ATP8B4: variants seen among roughly 807,000 people sequenced by gnomAD.
The protein encoded by ATP8B4 is ATPase phospholipid transporting 8B4 (putative), also known as probable phospholipid-transporting ATPase IM.
A neutral mutation model predicts 145.6 loss-of-function variants in ATP8B4; 133 were observed. The observed-to-expected ratio is 0.91, with a 90% CI of 0.79 to 1.05. ATP8B4 has a LOEUF of 1.05. Ranked by LOEUF, ATP8B4 falls within the 50% of genes least tolerant of loss-of-function variation. The pLI is 0.00. For synonymous variants in ATP8B4, 507 were observed against 492.9 expected (o/e 1.03, Z -0.38); for missense variants, 1,458 against 1,425.2 (o/e 1.02, Z -0.37).
chr15:50,066,902 C>T (rs2053421122), intron 3 of ATP8B4, among the ~76,000 whole-genome samples: 1 of 152,024 alleles, frequency 6.6e-6, no homozygotes, highest in Non-Finnish European at 1.5e-5. Context: ...AAGATGTTTT[C>T]CCTTAGTTCT....
chr15:50,062,869 T>C (rs914347869), intron 3 of ATP8B4, among the ~76,000 whole-genome samples: 1 of 152,190 alleles, frequency 6.6e-6, no homozygotes, highest in African/African-American at 2.4e-5. Context: ...AGCTCATTTG[T>C]GCTTCTAACC....
intron 2 of ATP8B4, among the ~76,000 whole-genome samples, chr15:50,094,593 AATATACACATATATACGT>A (rs1303068455): frequency 6.8e-6 from 1 of 148,024 alleles, no homozygotes; most frequent in Non-Finnish European, 1.5e-5. Flanking sequence ...CATATATACA[AATATACACATATATACGT>A]ATATACACAT....
Position 49,934,197 on chromosome 15 carries a change from C to A in ATP8B4, c.1288-15G>T. On this transcript the variant is annotated splice_polypyrimidine_tract_variant and intron_variant, in intron 14 of 27. Coordinates refer to ENST00000284509, the MANE Select transcript of ATP8B4 (RefSeq NM_024837.4). ...GGCTCTTTTTCCTGTAGGAGAACAA[C>A]AACAACAAAAATAACCAAAACCTCA... is the stretch of plus-strand genomic sequence containing the variant. 6.3e-7 allele frequency: 1 copy of A among 1,587,392 alleles called. No homozygotes were observed. Among genetic ancestry groups the A allele is most frequent in the Non-Finnish European group, 8.5e-7 (1 of 1,171,056 alleles).
chr15:49,975,628 A>C (rs1236358218), intron 12 of ATP8B4, among the ~76,000 whole-genome samples: 1 of 152,140 alleles, frequency 6.6e-6, no homozygotes, highest in African/African-American at 2.4e-5. Flanking sequence ...GCAGAATATA[A>C]AACTTTTTAC....
intron 12 of ATP8B4, among the ~76,000 whole-genome samples, chr15:49,975,735 GAA>G (rs1430726689): frequency 6.6e-6 from 1 of 151,996 alleles, no homozygotes; most frequent in East Asian, 1.9e-4. Flanking sequence ...TTGTCCTACT[GAA>G]AGTTTTACAG....
At chr15:50,112,900 C>T (rs1472549182) in intron 1 of ATP8B4, among the ~76,000 whole-genome samples, 1 of 152,146 alleles carries the variant, frequency 6.6e-6, no homozygotes, top group Non-Finnish European at 1.5e-5. Context: ...CCATCCCAAC[C>T]CACCATCTCT....
chr15:49,990,974 G>C (rs2047000500), intron 9 of ATP8B4, among the ~76,000 whole-genome samples: 1 of 151,986 alleles, frequency 6.6e-6, no homozygotes, highest in South Asian at 2.1e-4. Context: ...ATTTTCTAAA[G>C]CTTCTTTACT....
chr15:50,018,860 T>C, intron 6 of ATP8B4: 1 of 1,018,710 alleles, frequency 9.8e-7, no homozygotes, highest in Non-Finnish European at 1.3e-6. Context: ...ATCTCTACTC[T>C]CTGAAGCTTC....
intron 8 of ATP8B4, among the ~76,000 whole-genome samples, chr15:49,998,175 G>GA (rs1386436139): frequency 6.6e-6 from 1 of 152,186 alleles, no homozygotes. Context: ...CTTCAAATGT[G>GA]AAAAAACAAA....
At chr15:50,023,878 G>A (rs1046683759) in intron 6 of ATP8B4, among the ~76,000 whole-genome samples, 1 of 151,336 alleles carries the variant, frequency 6.6e-6, no homozygotes, top group Non-Finnish European at 1.5e-5. Flanking sequence ...AAGAAAATAG[G>A]ACATATGCTG....
chr15:50,043,313 T>A (rs1345321902), intron 5 of ATP8B4, among the ~76,000 whole-genome samples: 1 of 152,232 alleles, frequency 6.6e-6, no homozygotes, highest in African/African-American at 2.4e-5. Context: ...CTCTATTGCC[T>A]TATATCTGAC....
At chr15:50,020,885 A>T (rs972036464) in intron 6 of ATP8B4, among the ~76,000 whole-genome samples, 42 of 152,240 alleles carry the variant, frequency 2.8e-4, no homozygotes, top group African/African-American at 9.9e-4. Context: ...AAATCCTTAT[A>T]TGTTCAAGAT....
intron 12 of ATP8B4, among the ~76,000 whole-genome samples, chr15:49,974,064 T>A (rs2045434826): frequency 6.6e-6 from 1 of 150,710 alleles, no homozygotes; most frequent in South Asian, 2.1e-4. Context: ...AAATATTTTA[T>A]CCAATTTATC....
intron 23 of ATP8B4, among the ~76,000 whole-genome samples, chr15:49,891,564 G>A (rs765088263): frequency 1.3e-5 from 2 of 152,100 alleles, no homozygotes; most frequent in Middle Eastern, 3.2e-3. Context: ...GACCTCAAGC[G>A]ATCTGCCCAC....
At chr15:50,116,078 G>C (rs758305041) in intron 1 of ATP8B4, among the ~76,000 whole-genome samples, 5 of 152,070 alleles carry the variant, frequency 3.3e-5, no homozygotes, top group African/African-American at 4.8e-5. Flanking sequence ...TGGCAAATGG[G>C]GCTGAATTCT....
At chr15:50,133,801 A>C (rs2044083146) in intron 1 of ATP8B4, among the ~76,000 whole-genome samples, 1 of 152,080 alleles carries the variant, frequency 6.6e-6, no homozygotes, top group Non-Finnish European at 1.5e-5. Context: ...GTATACTTGG[A>C]ATTTGCTAAG....
At chr15:50,062,413 G>A (rs981336611) in intron 3 of ATP8B4, among the ~76,000 whole-genome samples, 5 of 152,116 alleles carry the variant, frequency 3.3e-5, no homozygotes, top group Admixed American at 3.3e-4. Context: ...CCCAGAAGCA[G>A]ATGCTGCTAT....
chr15:50,082,179 A>C (rs11070745), intron 2 of ATP8B4, among the ~76,000 whole-genome samples: 90,051 of 151,970 alleles, frequency 0.59, 26,756 homozygotes, highest in East Asian at 0.7. Context: ...AGACATGAGG[A>C]AAGAACAATG....
intron 14 of ATP8B4, among the ~76,000 whole-genome samples, chr15:49,955,981 T>TA (rs1389248815): frequency 2.0e-5 from 3 of 151,558 alleles, no homozygotes; most frequent in Admixed American, 2.0e-4. Context: ...TACTCAACAC[T>TA]AAAAAAGTTG....
Sources: gnomAD v4.1 joint callset for allele counts (sites outside exome capture counted in the v4.1 genomes callset) on GRCh38, gnomAD v4.1.1 for gene constraint, MANE v1.5 for transcripts, NCBI Gene and HGNC (gene_info 2026-07-23, HGNC 2026-07-21) for gene names.